Variants in TMTC1 observed in about 807,000 individuals in gnomAD.
TMTC1 encodes protein O-mannosyl-transferase TMTC1.
A neutral mutation model predicts 104.8 loss-of-function variants in TMTC1; 73 were observed. The observed-to-expected ratio is 0.70, with a 90% confidence interval of 0.58 to 0.85. The LOEUF is 0.85. TMTC1 is among the 40% of genes least tolerant of loss of function. The pLI is 0.00. For missense variants in TMTC1, 1,035 were observed against 1,096.1 expected, an observed-to-expected ratio of 0.94 and a Z score of 0.79; for synonymous variants, 434 against 428.7, an observed-to-expected ratio of 1.01 and a Z score of -0.15.
intron 2 of TMTC1, among the ~76,000 whole-genome samples, chr12:29,759,138 C>A (rs393839): frequency 0.88 from 133,517 of 151,940 alleles, 60,076 homozygotes; most frequent in East Asian, 0.99. Context: ...GTGTACCATG[C>A]TGCTAATGGA....
At chr12:29,682,619 G>C (rs1399733738) in intron 5 of TMTC1, among the ~76,000 whole-genome samples, 1 of 152,174 alleles carries the variant, frequency 6.6e-6, no homozygotes, top group Non-Finnish European at 1.5e-5. Flanking sequence ...GAATCTAAAA[G>C]ACATTATGGT....
At chr12:29,680,222 T>A (rs1047166711) in intron 5 of TMTC1, among the ~76,000 whole-genome samples, 5 of 150,570 alleles carry the variant, frequency 3.3e-5, no homozygotes, top group African/African-American at 1.2e-4. Flanking sequence ...GAGCTCGTTA[T>A]CTATTTTCAT....
chr12:29,633,009 T>A, intron 6 of TMTC1, 138 bp downstream of exon 6: 2 of 681,532 alleles, frequency 2.9e-6, no homozygotes, highest in Non-Finnish European at 4.7e-6. Flanking sequence ...TGGTATGTTA[T>A]TACCCGCTAC....
intron 5 of TMTC1, among the ~76,000 whole-genome samples, chr12:29,643,975 AT>A (rs1173574687): frequency 8.8e-6 from 1 of 113,144 alleles, no homozygotes; most frequent in African/African-American, 3.6e-5. Context: ...TTACATATAA[AT>A]ATATATAAAT....
chr12:29,576,125 G>T (rs1945816145), intron 8 of TMTC1, among the ~76,000 whole-genome samples: 1 of 152,024 alleles, frequency 6.6e-6, no homozygotes, highest in South Asian at 2.1e-4. Flanking sequence ...TAGTTGTATG[G>T]GTTGCTTACA....
intron 6 of TMTC1, among the ~76,000 whole-genome samples, chr12:29,619,889 T>C (rs1947085156): frequency 1.3e-5 from 2 of 152,224 alleles, no homozygotes; most frequent in Admixed American, 6.5e-5. Context: ...TTACTACTAT[T>C]ACCTCTTATG....
chr12:29,541,117 A>G (rs1233887905), intron 10 of TMTC1, among the ~76,000 whole-genome samples: 2 of 152,220 alleles, frequency 1.3e-5, no homozygotes, highest in Non-Finnish European at 2.9e-5. Flanking sequence ...AGGTGACAAT[A>G]TGATTCCCCC....
At chr12:29,720,793 A>G (rs1234730006) in intron 5 of TMTC1, among the ~76,000 whole-genome samples, 1 of 152,176 alleles carries the variant, frequency 6.6e-6, no homozygotes, top group Non-Finnish European at 1.5e-5. Flanking sequence ...AGCCCATTCC[A>G]CAGGTTCAGG....
chr12:29,641,673 A>G (rs937675948), intron 5 of TMTC1, among the ~76,000 whole-genome samples: 10 of 152,098 alleles, frequency 6.6e-5, no homozygotes, highest in Non-Finnish European at 1.3e-4. Flanking sequence ...TAATATGACA[A>G]AACAAGGCTC....
intron 5 of TMTC1, among the ~76,000 whole-genome samples, chr12:29,740,636 G>T (rs150702775): frequency 1.4e-3 from 219 of 152,064 alleles, no homozygotes; most frequent in African/African-American, 4.9e-3. Context: ...TCTCCTATTA[G>T]TTCTTTCCCT....
chr12:29,565,992 C>T (rs1313879077), intron 9 of TMTC1, among the ~76,000 whole-genome samples: 3 of 152,154 alleles, frequency 2.0e-5, no homozygotes, highest in South Asian at 2.1e-4. Flanking sequence ...ATGCAGTTTA[C>T]TGGGTAGAGG....
At chr12:29,764,364 T>G (rs1943417236) in intron 2 of TMTC1, among the ~76,000 whole-genome samples, 1 of 152,180 alleles carries the variant, frequency 6.6e-6, no homozygotes, top group South Asian at 2.1e-4. Flanking sequence ...ATTTATTTTA[T>G]CTGCAAGAAT....
chr12:29,574,866 A>G (rs1279504001), intron 8 of TMTC1, among the ~76,000 whole-genome samples: 1 of 152,178 alleles, frequency 6.6e-6, no homozygotes, highest in Non-Finnish European at 1.5e-5. Flanking sequence ...GTCCTTATCA[A>G]TCACCAAAGC....
chr12:29,718,810 G>T (rs1378129792), intron 5 of TMTC1, among the ~76,000 whole-genome samples: 1 of 151,806 alleles, frequency 6.6e-6, no homozygotes, highest in Non-Finnish European at 1.5e-5. Context: ...ACGGGTGCCT[G>T]TAGTCCCAGA....
chr12:29,598,621 T>C (rs991333126), intron 7 of TMTC1, among the ~76,000 whole-genome samples: 18 of 152,358 alleles, frequency 1.2e-4, no homozygotes, highest in African/African-American at 3.6e-4. Flanking sequence ...ATTTCTTTCA[T>C]TGATGTTTTA....
At chr12:29,570,700 C>T (rs377662412) in intron 9 of TMTC1, among the ~76,000 whole-genome samples, 119 of 152,086 alleles carry the variant, frequency 7.8e-4, no homozygotes, top group African/African-American at 1.7e-3. Context: ...AAAAATTAGA[C>T]GACCATGATG....
At chr12:29,716,812 G>A (rs1045260470) in intron 5 of TMTC1, among the ~76,000 whole-genome samples, 25 of 152,212 alleles carry the variant, frequency 1.6e-4, no homozygotes, top group East Asian at 5.8e-4. Flanking sequence ...TCAGGAGATC[G>A]AGACCATCCT....
chr12:29,685,272 C>A (rs77562810), intron 5 of TMTC1, among the ~76,000 whole-genome samples: 20,960 of 151,568 alleles, frequency 0.14, 1,717 homozygotes, highest in East Asian at 0.34. Flanking sequence ...CGTAAGAATT[C>A]AAACCTATCC....
chr12:29,664,855 T>C (rs999575316), intron 5 of TMTC1, among the ~76,000 whole-genome samples: 17 of 152,202 alleles, frequency 1.1e-4, no homozygotes, highest in African/African-American at 3.9e-4. Context: ...TCCAGTCAAG[T>C]TCTCCATTCT....
Sources: allele counts gnomAD v4.1 joint callset (sites outside exome capture counted in the v4.1 genomes callset), GRCh38; gene constraint gnomAD v4.1.1; transcripts MANE v1.5; gene names NCBI Gene and HGNC (gene_info 2026-07-23, HGNC 2026-07-21).